Variants in RARB observed in about 807,000 individuals in gnomAD.
RARB encodes HBV-activated protein.
RARB carries 17 observed loss-of-function variants against 51.9 expected under a neutral mutation model. The observed-to-expected ratio is 0.33, with a 90% CI of 0.22 to 0.49. RARB has a LOEUF of 0.49. Ranked by LOEUF, RARB falls within the 20% of genes least tolerant of loss-of-function variation. The pLI, the probability that RARB is intolerant of heterozygous loss-of-function variation, is 0.99. For missense variants in RARB, 369 were observed against 550.8 expected (o/e 0.67, Z 3.30); for synonymous variants, 215 against 195.4 (o/e 1.10, Z -0.84).
intron 5 of RARB, among the ~76,000 whole-genome samples, chr3:25,180,808 T>A (rs1178446868): frequency 1.3e-5 from 2 of 152,172 alleles, no homozygotes; most frequent in South Asian, 2.1e-4. Context: ...AAAGAATGAA[T>A]CTAATTAGTC....
chr3:25,259,154 T>TA (rs1702937925), intron 5 of RARB: 1 of 845,538 alleles, frequency 1.2e-6, no homozygotes. Context: ...AATAATATAG[T>TA]AAATAGATAT....
chr3:25,362,692 A>G (rs1705984174), intron 5 of RARB, among the ~76,000 whole-genome samples: 2 of 152,196 alleles, frequency 1.3e-5, no homozygotes, highest in South Asian at 4.1e-4. Context: ...TACTCAAGGC[A>G]CAGACCCTCA....
rs6781451 is a variant in RARB at position 25,515,905 on chromosome 3, C to G, written c.448+14582C>G. On this transcript the variant is annotated intron_variant, in intron 3 of 7. Transcript: ENST00000330688. The stretch of plus-strand genomic sequence containing the variant: ...TTAAAATATGGAGTAGTGGAACGGC[C>G]ATTTCTTCCTGTGCATAGAGAAATT... Among the ~76,000 whole-genome samples the G allele has an allele frequency of 4.3e-3, 652 of 152,300 alleles. 6 individuals carry two copies. Among genetic ancestry groups the G allele is most frequent in the African/African-American group, 0.015 (629 of 41,562 alleles).
chr3:25,496,757 G>C (rs1408136260), intron 2 of RARB, among the ~76,000 whole-genome samples: 1 of 152,194 alleles, frequency 6.6e-6, no homozygotes, highest in East Asian at 1.9e-4. Context: ...AAGGCTTCCT[G>C]GCCAAGTGAC....
chr3:25,574,890 C>CA (rs924453093), intron 4 of RARB, among the ~76,000 whole-genome samples: 14 of 152,238 alleles, frequency 9.2e-5, no homozygotes, highest in Admixed American at 8.5e-4. Flanking sequence ...AGAGATGCAT[C>CA]AGGAGGGATA....
At chr3:25,348,991 G>C (rs1474304324) in intron 5 of RARB, among the ~76,000 whole-genome samples, 2 of 152,108 alleles carry the variant, frequency 1.3e-5, no homozygotes, top group Non-Finnish European at 2.9e-5. Flanking sequence ...CCAGATCTTT[G>C]GTATATATAA....
At chr3:25,490,023 G>T (rs1696650978) in intron 2 of RARB, among the ~76,000 whole-genome samples, 1 of 152,232 alleles carries the variant, frequency 6.6e-6, no homozygotes, top group African/African-American at 2.4e-5. Context: ...TTTTTGCACT[G>T]TCAGAGCAGT....
chr3:24,882,024 A>G (rs1297112266), intron 2 of RARB, among the ~76,000 whole-genome samples: 1 of 152,222 alleles, frequency 6.6e-6, no homozygotes, highest in African/African-American at 2.4e-5. Flanking sequence ...TTGCCATAAC[A>G]ATGAAAAATT....
chr3:25,204,201 TTCTTC>T (rs1360914003), intron 5 of RARB, among the ~76,000 whole-genome samples: 2 of 152,228 alleles, frequency 1.3e-5, no homozygotes, highest in African/African-American at 4.8e-5. Flanking sequence ...TTGATACCCT[TTCTTC>T]CAGTTGATCG....
intron 2 of RARB, among the ~76,000 whole-genome samples, chr3:24,896,167 T>C (rs543495466): frequency 6.6e-6 from 1 of 152,282 alleles, no homozygotes; most frequent in South Asian, 2.1e-4. Context: ...GTGAAAATCC[T>C]TAGAGACAAA....
intron 5 of RARB, among the ~76,000 whole-genome samples, chr3:25,310,320 C>G (rs1022112928): frequency 1.3e-5 from 2 of 152,180 alleles, no homozygotes; most frequent in African/African-American, 2.4e-5. Flanking sequence ...TTGAGCATTG[C>G]TTTTGCAACA....
chr3:25,490,107 A>G (rs1696654962), intron 2 of RARB, among the ~76,000 whole-genome samples: 1 of 152,214 alleles, frequency 6.6e-6, no homozygotes, highest in South Asian at 2.1e-4. Flanking sequence ...ACTTGACTTA[A>G]ATGTAAATGC....
chr3:25,070,925 G>A (rs1698754557), intron 3 of RARB, among the ~76,000 whole-genome samples: 1 of 152,142 alleles, frequency 6.6e-6, no homozygotes, highest in Non-Finnish European at 1.5e-5. Flanking sequence ...TGGGGTATTA[G>A]CCTTTAAAGC....
At position 25,248,712 on chromosome 3, in the gene RARB, G is replaced by C. The variant is rs1314429069; in HGVS notation, c.178+74137G>C. Among the ~76,000 whole-genome samples, 3 of 152,070 alleles carry C rather than the reference G, an allele frequency of 2.0e-5. No individual in the cohort carries two copies. In the East Asian group the frequency reaches 5.8e-4, roughly 29 times the overall value. ...CCTTTTATAAAGGATAATTTTGCTG[G>C]ATCCTTGGCTGGCAATTTTTTCTTT... On this transcript the variant is annotated intron_variant, in intron 5 of 11. Transcript: ENST00000383772.
At chr3:25,151,325 C>G (rs989386202) in intron 4 of RARB, among the ~76,000 whole-genome samples, 3 of 152,166 alleles carry the variant, frequency 2.0e-5, no homozygotes, top group Non-Finnish European at 4.4e-5. Context: ...GGCAAGAACA[C>G]TTTTTTCATT....
intron 4 of RARB, among the ~76,000 whole-genome samples, chr3:25,142,297 G>A (rs1404421020): frequency 6.6e-6 from 1 of 152,142 alleles, no homozygotes; most frequent in Non-Finnish European, 1.5e-5. Context: ...TCGTGCCACT[G>A]CACTTCAGCC....
intron 5 of RARB, among the ~76,000 whole-genome samples, chr3:25,235,677 T>C (rs1702285696): frequency 6.6e-6 from 1 of 152,178 alleles, no homozygotes; most frequent in Non-Finnish European, 1.5e-5. Flanking sequence ...TTACAGCTCT[T>C]GAGTGAGGTT....
chr3:25,308,377 C>A (rs1053995023), intron 5 of RARB, among the ~76,000 whole-genome samples: 2 of 152,056 alleles, frequency 1.3e-5, no homozygotes, highest in East Asian at 3.9e-4. Context: ...AGGATAAATG[C>A]TCTTCAACAC....
intron 2 of RARB, among the ~76,000 whole-genome samples, chr3:24,899,231 G>C (rs377066488): frequency 1.4e-4 from 22 of 152,120 alleles, no homozygotes; most frequent in African/African-American, 4.3e-4. Context: ...TTTGAAGCAG[G>C]GGGCCCTGTG....
Sources: allele counts gnomAD v4.1 joint callset (sites outside exome capture counted in the v4.1 genomes callset), GRCh38; gene constraint gnomAD v4.1.1; transcripts MANE v1.5; gene names NCBI Gene and HGNC (gene_info 2026-07-23, HGNC 2026-07-21).